Variants in UPP2 observed in about 807,000 individuals in gnomAD.
The protein encoded by UPP2 is UPase 2.
Under a neutral mutation model 26.7 loss-of-function variants are expected in UPP2, and 23 were observed. The observed-to-expected ratio is 0.86, with a 90% CI of 0.62 to 1.22. The LOEUF is 1.22. Ranked by LOEUF, UPP2 falls within the 50% of genes most tolerant of loss-of-function variation. The probability of loss-of-function intolerance (pLI) is 0.00; values close to 1 mark genes in which losing one functional copy is unlikely to be tolerated. For missense variants in UPP2, 387 were observed against 396.7 expected (o/e 0.98, Z 0.21); for synonymous variants, 127 against 141.3 (o/e 0.90, Z 0.72).
chr2:158,093,228 C>T (rs1252348090), intron 3 of UPP2, among the ~76,000 whole-genome samples: 1 of 149,146 alleles, frequency 6.7e-6, no homozygotes, highest in African/African-American at 2.5e-5. Context: ...GCACAGAGAA[C>T]TTAATCATTC....
intron 3 of UPP2, among the ~76,000 whole-genome samples, chr2:158,065,310 T>C (rs557026015): frequency 2.6e-5 from 4 of 152,190 alleles, no homozygotes; most frequent in South Asian, 2.1e-4. Context: ...CTGACCTAGA[T>C]AGGGTAAACC....
intron 3 of UPP2, among the ~76,000 whole-genome samples, chr2:158,043,213 G>T (rs772497141): frequency 1.3e-5 from 2 of 152,140 alleles, no homozygotes; most frequent in South Asian, 2.1e-4. Context: ...AATCTTAGGG[G>T]TCTCCTTTCA....
intron 3 of UPP2, among the ~76,000 whole-genome samples, chr2:158,070,242 A>G (rs1240714550): frequency 6.6e-6 from 1 of 152,192 alleles, no homozygotes; most frequent in Non-Finnish European, 1.5e-5. Context: ...CTGTCTCATG[A>G]ATGAACCCAA....
intron 2 of UPP2, among the ~76,000 whole-genome samples, chr2:157,998,822 A>C (rs1183932816): frequency 6.6e-6 from 1 of 152,182 alleles, no homozygotes; most frequent in Non-Finnish European, 1.5e-5. Flanking sequence ...AAATAAAATA[A>C]AAATAAATAA....
At chr2:158,058,345 G>T (rs572144512) in intron 3 of UPP2, among the ~76,000 whole-genome samples, 1 of 135,526 alleles carries the variant, frequency 7.4e-6, no homozygotes, top group Non-Finnish European at 1.6e-5. Flanking sequence ...AAGAAGAGAC[G>T]CAAGGGAGCA....
At chr2:158,102,731 T>C (rs1311817178) in intron 1 of UPP2, among the ~76,000 whole-genome samples, 1 of 152,204 alleles carries the variant, frequency 6.6e-6, no homozygotes, top group Non-Finnish European at 1.5e-5. Flanking sequence ...ATTTTGCTGG[T>C]TCCCTCTGAT....
intron 1 of UPP2, among the ~76,000 whole-genome samples, chr2:158,105,557 G>T (rs375995273): frequency 1.2e-4 from 18 of 152,248 alleles, no homozygotes; most frequent in African/African-American, 4.1e-4. Flanking sequence ...TGAAGTGTCC[G>T]GCTGATTGTT....
At chr2:158,007,269 C>A (rs1369129143) in intron 2 of UPP2, among the ~76,000 whole-genome samples, 2 of 152,198 alleles carry the variant, frequency 1.3e-5, no homozygotes, top group Non-Finnish European at 2.9e-5. Flanking sequence ...GTCGGAGAGA[C>A]AAAGGTGTTT....
chr2:158,112,718 G>A (rs554485626), intron 2 of UPP2, among the ~76,000 whole-genome samples: 1 of 152,202 alleles, frequency 6.6e-6, no homozygotes, highest in South Asian at 2.1e-4. Context: ...AATATGCAAT[G>A]CATTTTGAAT....
chr2:158,023,523 C>T (rs1461811978), intron 3 of UPP2, among the ~76,000 whole-genome samples: 8 of 152,132 alleles, frequency 5.3e-5, no homozygotes, highest in Admixed American at 4.6e-4. Context: ...CTTCCATTTA[C>T]AGCAATAACA....
chr2:158,049,387 A>G (rs956786399), intron 3 of UPP2, among the ~76,000 whole-genome samples: 1 of 152,212 alleles, frequency 6.6e-6, no homozygotes, highest in African/African-American at 2.4e-5. Context: ...CTCTTCCTTT[A>G]ACCTCATTGG....
chr2:158,134,509 G>A (rs1683891202), intron 6 of UPP2, among the ~76,000 whole-genome samples: 2 of 152,154 alleles, frequency 1.3e-5, no homozygotes, highest in Non-Finnish European at 2.9e-5. Flanking sequence ...AATTGTGGAG[G>A]AAAAGAGGAA....
intron 2 of UPP2, among the ~76,000 whole-genome samples, chr2:158,109,529 T>C (rs951163944): frequency 6.6e-6 from 1 of 152,154 alleles, no homozygotes; most frequent in Non-Finnish European, 1.5e-5. Context: ...TCAACACCTG[T>C]CCAGCAGATG....
intron 3 of UPP2, among the ~76,000 whole-genome samples, chr2:158,026,965 T>A (rs573206317): frequency 7.2e-4 from 110 of 152,088 alleles, no homozygotes; most frequent in Non-Finnish European, 6.9e-4. Flanking sequence ...ACGAGAACAG[T>A]ATGGGGGAAA....
At chr2:158,115,899 G>A (rs1683420008) in intron 3 of UPP2, among the ~76,000 whole-genome samples, 1 of 152,150 alleles carries the variant, frequency 6.6e-6, no homozygotes, top group Admixed American at 6.5e-5. Flanking sequence ...CTCTGCACAG[G>A]GCTGTATTCT....
At chr2:158,052,587 T>C (rs145080391) in intron 3 of UPP2, among the ~76,000 whole-genome samples, 11 of 152,318 alleles carry the variant, frequency 7.2e-5, no homozygotes, top group African/African-American at 2.6e-4. Flanking sequence ...AGGAGTGACA[T>C]TGGTTGCCAT....
At chr2:158,025,533 C>T (rs1683820544) in intron 3 of UPP2, among the ~76,000 whole-genome samples, 2 of 152,216 alleles carry the variant, frequency 1.3e-5, no homozygotes, top group South Asian at 4.1e-4. Context: ...AGAAGCCCTG[C>T]CTCAAGCCTC....
intron 3 of UPP2, among the ~76,000 whole-genome samples, chr2:158,027,061 G>T (rs1291073791): frequency 1.3e-5 from 2 of 152,050 alleles, no homozygotes; most frequent in Non-Finnish European, 2.9e-5. Flanking sequence ...ATGAGATTTG[G>T]GTGGGGACAC....
intron 3 of UPP2, among the ~76,000 whole-genome samples, chr2:158,022,468 A>G (rs1188021363): frequency 1.3e-5 from 2 of 151,998 alleles, no homozygotes; most frequent in Non-Finnish European, 2.9e-5. Flanking sequence ...AAAAAAAAAA[A>G]AAAAAAAAGT....
Sources: gnomAD v4.1 joint callset for allele counts (sites outside exome capture counted in the v4.1 genomes callset) on GRCh38, gnomAD v4.1.1 for gene constraint, MANE v1.5 for transcripts, NCBI Gene and HGNC (gene_info 2026-07-23, HGNC 2026-07-21) for gene names.